Variants in LPP observed in about 807,000 individuals in gnomAD.
LPP encodes LIM domain containing preferred translocation partner in lipoma, also known as lipoma-preferred partner.
In LPP, 38 loss-of-function variants were observed where a neutral mutation model predicts 60.4. The observed-to-expected ratio is 0.63, with a 90% CI of 0.49 to 0.83. LPP has a LOEUF of 0.83. Ranked by LOEUF, LPP falls within the 40% of genes least tolerant of loss-of-function variation. The probability of loss-of-function intolerance (pLI) is 0.00; values close to 1 mark genes in which losing one functional copy is unlikely to be tolerated. For missense variants in LPP, 902 were observed against 783.6 expected (o/e 1.15, Z -1.80); for synonymous variants, 328 against 290.8 (o/e 1.13, Z -1.30).
chr3:188,267,806 T>C (rs1344741094), intron 2 of LPP, among the ~76,000 whole-genome samples: 1 of 152,168 alleles, frequency 6.6e-6, no homozygotes, highest in African/African-American at 2.4e-5. Context: ...TCACTTTAGA[T>C]GATTCTTCTC....
chr3:188,689,492 A>G (rs1861620616), intron 7 of LPP, among the ~76,000 whole-genome samples: 1 of 152,186 alleles, frequency 6.6e-6, no homozygotes, highest in Non-Finnish European at 1.5e-5. Context: ...GGTGTTAACC[A>G]CTATTCTACT....
At chr3:188,353,610 C>T (rs986030488) in intron 3 of LPP, among the ~76,000 whole-genome samples, 1 of 152,218 alleles carries the variant, frequency 6.6e-6, no homozygotes, top group Non-Finnish European at 1.5e-5. Context: ...TCCCCCACTA[C>T]ATACCGAAGA....
At chr3:188,544,490 AAC>A (rs1560543347) in intron 6 of LPP, among the ~76,000 whole-genome samples, 3 of 151,784 alleles carry the variant, frequency 2.0e-5, no homozygotes, top group Non-Finnish European at 4.4e-5. Context: ...GCAGCCAAAA[AAC>A]ACATGAAAAA....
chr3:188,577,564 T>C (rs1834912633), intron 6 of LPP, among the ~76,000 whole-genome samples: 1 of 151,054 alleles, frequency 6.6e-6, no homozygotes, highest in African/African-American at 2.4e-5. Context: ...TAAATGTATG[T>C]ATACTATATA....
At chr3:188,748,830 A>G (rs975021253) in intron 8 of LPP, among the ~76,000 whole-genome samples, 1 of 152,160 alleles carries the variant, frequency 6.6e-6, no homozygotes, top group African/African-American at 2.4e-5. Context: ...GCCAAACTGG[A>G]AAGTTTCTGT....
chr3:188,279,809 T>TTGA (rs2149896686), intron 2 of LPP, among the ~76,000 whole-genome samples: 1 of 152,360 alleles, frequency 6.6e-6, no homozygotes, highest in South Asian at 2.1e-4. Flanking sequence ...CAACCTAAAA[T>TTGA]TGATTTCTTT....
At chr3:188,619,918 CT>C (rs909603386) in intron 7 of LPP, among the ~76,000 whole-genome samples, 5 of 152,042 alleles carry the variant, frequency 3.3e-5, no homozygotes, top group South Asian at 2.1e-4. Flanking sequence ...TATATCCCTC[CT>C]TTTTTTCCCA....
chr3:188,499,088 A>G (rs1434226008), intron 5 of LPP, among the ~76,000 whole-genome samples: 1 of 151,980 alleles, frequency 6.6e-6, no homozygotes, highest in African/African-American at 2.4e-5. Flanking sequence ...ACTTTCTCCC[A>G]TTTTGAAGAT....
intron 2 of LPP, among the ~76,000 whole-genome samples, chr3:188,264,814 T>G (rs1734901666): frequency 6.6e-6 from 1 of 152,226 alleles, no homozygotes; most frequent in South Asian, 2.1e-4. Context: ...CTCTTTCTTT[T>G]CTTTCCTTTT....
intron 1 of LPP, among the ~76,000 whole-genome samples, chr3:188,172,946 C>T (rs374805564): frequency 5.3e-5 from 8 of 152,316 alleles, no homozygotes; most frequent in African/African-American, 1.9e-4. Flanking sequence ...TAGCTCACTG[C>T]AGCTTTGACC....
At chr3:188,467,011 G>A (rs1800644790) in intron 4 of LPP, among the ~76,000 whole-genome samples, 1 of 140,932 alleles carries the variant, frequency 7.1e-6, no homozygotes, top group Non-Finnish European at 1.5e-5. Flanking sequence ...CAAATAGATA[G>A]AACAATTTTC....
At chr3:188,407,769 T>TTTTTTTTTTG in intron 4 of LPP, among the ~76,000 whole-genome samples, 1 of 35,070 alleles carries the variant, frequency 2.9e-5, no homozygotes, top group Non-Finnish European at 1.0e-4. Context: ...TCATTTATGG[T>TTTTTTTTTTG]TTTTTTTTTT....
intron 1 of LPP, among the ~76,000 whole-genome samples, chr3:188,163,303 G>A (rs372639229): frequency 6.4e-4 from 97 of 152,262 alleles, no homozygotes; most frequent in South Asian, 3.3e-3. Flanking sequence ...GGCTGGATAA[G>A]CATGAGGATC....
intron 2 of LPP, among the ~76,000 whole-genome samples, chr3:188,240,962 T>C (rs1724404954): frequency 6.6e-6 from 1 of 152,228 alleles, no homozygotes; most frequent in Admixed American, 6.5e-5. Context: ...TATATGATTC[T>C]TTTATTTTTA....
At chr3:188,322,338 G>A (rs538385360) in intron 2 of LPP, among the ~76,000 whole-genome samples, 5 of 152,042 alleles carry the variant, frequency 3.3e-5, no homozygotes, top group East Asian at 3.9e-4. Flanking sequence ...TCCCTGATTC[G>A]TCCTTCTTCA....
intron 3 of LPP, among the ~76,000 whole-genome samples, chr3:188,395,237 G>A (rs1311538248): frequency 6.6e-6 from 1 of 151,960 alleles, no homozygotes; most frequent in Non-Finnish European, 1.5e-5. Flanking sequence ...AACTTATTTA[G>A]AGACAGGGTC....
At chr3:188,269,121 T>G (rs1736703410) in intron 2 of LPP, among the ~76,000 whole-genome samples, 1 of 152,204 alleles carries the variant, frequency 6.6e-6, no homozygotes. Flanking sequence ...GGTTTGTGGG[T>G]GATCATATAC....
At chr3:188,714,586 GT>G (rs71980827) in intron 8 of LPP, among the ~76,000 whole-genome samples, 2 of 150,440 alleles carry the variant, frequency 1.3e-5, no homozygotes, top group African/African-American at 2.4e-5. Flanking sequence ...TCTCAGCTGG[GT>G]TTTTTTTTAA....
chr3:188,509,997 G>A (rs1293497601), intron 5 of LPP, among the ~76,000 whole-genome samples: 10 of 151,290 alleles, frequency 6.6e-5, no homozygotes, highest in Non-Finnish European at 7.4e-5. Context: ...GATTAGAGGC[G>A]TGAGCCACTG....
Sources: allele counts gnomAD v4.1 joint callset (sites outside exome capture counted in the v4.1 genomes callset), GRCh38; gene constraint gnomAD v4.1.1; transcripts MANE v1.5; gene names NCBI Gene and HGNC (gene_info 2026-07-23, HGNC 2026-07-21).